MARCHF6: variants seen among roughly 807,000 people sequenced by gnomAD.
MARCHF6 encodes membrane associated ring-CH-type finger 6, also known as E3 ubiquitin-protein ligase MARCHF6.
MARCHF6 carries 31 observed loss-of-function variants against 133.7 expected under a neutral mutation model. The ratio of observed to expected loss-of-function variants is 0.23; its 90% CI spans 0.17 to 0.31. The LOEUF is 0.31. MARCHF6 is among the 10% of genes least tolerant of loss of function. MARCHF6 has a pLI of 1.00. For missense variants in MARCHF6, 723 were observed against 1,121.6 expected, an observed-to-expected ratio of 0.64 and a Z score of 5.08; for synonymous variants, 395 against 402.5, an observed-to-expected ratio of 0.98 and a Z score of 0.22.
intron 1 of MARCHF6, among the ~76,000 whole-genome samples, chr5:10,363,845 G>A (rs1735969013): frequency 6.6e-6 from 1 of 152,166 alleles, no homozygotes; most frequent in Non-Finnish European, 1.5e-5. Flanking sequence ...AGTGAAATAA[G>A]CCAGTCACAA....
intron 23 of MARCHF6, 92 bp downstream of exon 23, chr5:10,423,916 TG>T: frequency 1.2e-6 from 1 of 862,034 alleles, no homozygotes. Context: ...CTTCCTACCT[TG>T]CTGAGTTTTC....
At chr5:10,424,309 C>G (rs1739971333) in intron 23 of MARCHF6, among the ~76,000 whole-genome samples, 2 of 152,138 alleles carry the variant, frequency 1.3e-5, no homozygotes, top group Admixed American at 1.3e-4. Flanking sequence ...GTTGATTCCT[C>G]TGGTGCCATC....
intron 1 of MARCHF6, among the ~76,000 whole-genome samples, chr5:10,357,966 CTTT>C (rs34017407): frequency 1.2e-4 from 13 of 108,492 alleles, no homozygotes; most frequent in Admixed American, 2.9e-4. Context: ...GCATGGGTTG[CTTT>C]TTTTTTTTTT....
intron 10 of MARCHF6, among the ~76,000 whole-genome samples, chr5:10,399,445 TC>T (rs1192313927): frequency 1.3e-5 from 2 of 152,086 alleles, no homozygotes; most frequent in African/African-American, 4.8e-5. Flanking sequence ...TGATTGAGTT[TC>T]CCACTCCCCT....
intron 19 of MARCHF6, among the ~76,000 whole-genome samples, chr5:10,412,600 G>T (rs1477652436): frequency 1.3e-5 from 2 of 152,082 alleles, no homozygotes; most frequent in Non-Finnish European, 2.9e-5. Context: ...TTGAGACAGG[G>T]TCTTGCTCTG....
At chr5:10,360,431 G>T (rs1049417794) in intron 1 of MARCHF6, among the ~76,000 whole-genome samples, 2 of 152,076 alleles carry the variant, frequency 1.3e-5, no homozygotes, top group Admixed American at 1.3e-4. Context: ...GAGCCACCGC[G>T]CCCGGCTGTA....
intron 19 of MARCHF6, among the ~76,000 whole-genome samples, chr5:10,411,829 A>G (rs891425401): frequency 1.3e-5 from 2 of 152,238 alleles, no homozygotes; most frequent in Non-Finnish European, 2.9e-5. Flanking sequence ...AGGAACTAGA[A>G]TGGGCATTTG....
chr5:10,431,452 C>G (rs1264514441), intron 25 of MARCHF6, among the ~76,000 whole-genome samples: 2 of 152,178 alleles, frequency 1.3e-5, no homozygotes, highest in Admixed American at 6.5e-5. Context: ...TTCTCATGCT[C>G]TATCTTCTTC....
At chr5:10,377,384 A>T (rs942249672) in intron 1 of MARCHF6, among the ~76,000 whole-genome samples, 5 of 150,086 alleles carry the variant, frequency 3.3e-5, no homozygotes, top group Non-Finnish European at 7.5e-5. Context: ...GAGTCCTCAC[A>T]TGTGTTTTGT....
rs533967441 is a variant in MARCHF6, at chr5:10,430,099, A to G, written c.2642+71A>G. 3.5e-5 allele frequency: 53 copies of G among 1,508,968 alleles called. No homozygotes were observed. The South Asian group carries it at 5.4e-4, about 15-fold the overall frequency. 93.5% of individuals were successfully genotyped at this position (1,508,968 alleles called of 1,614,324 possible). A position where few individuals can be genotyped will look rare whatever the true frequency, so the allele number is the denominator to read the frequency against. ...CTTAATTTATGTATCTGATGTGACA[A>G]ATCATAGGAGGGAAACATGCTCAGA... On this transcript the variant is annotated intron_variant, in intron 25 of 25. Transcript: ENST00000274140.
chr5:10,397,933 G>T (rs1260589051), intron 10 of MARCHF6, among the ~76,000 whole-genome samples: 1 of 152,200 alleles, frequency 6.6e-6, no homozygotes, highest in Non-Finnish European at 1.5e-5. Context: ...AGAAAGGCAA[G>T]GTTGAGGAGA....
At chr5:10,416,683 TG>T (rs1739532106) in intron 21 of MARCHF6, among the ~76,000 whole-genome samples, 1 of 152,218 alleles carries the variant, frequency 6.6e-6, no homozygotes, top group African/African-American at 2.4e-5. Context: ...ATTTTTTTTT[TG>T]GTCAGAATTT....
intron 1 of MARCHF6, among the ~76,000 whole-genome samples, chr5:10,358,878 A>C (rs1049301195): frequency 6.6e-6 from 1 of 152,196 alleles, no homozygotes; most frequent in Non-Finnish European, 1.5e-5. Context: ...ACACACAAAC[A>C]TGTAATGGAG....
At chr5:10,400,702 G>T in intron 10 of MARCHF6, 82 bp from the exon 11 acceptor site, 1 of 993,354 alleles carries the variant, frequency 1.0e-6, no homozygotes, top group Admixed American at 1.8e-5. Flanking sequence ...AGAAGCCCTA[G>T]TTCCTTTTAG....
chr5:10,403,136 C>T (rs1473928286), intron 14 of MARCHF6, among the ~76,000 whole-genome samples: 2 of 152,064 alleles, frequency 1.3e-5, no homozygotes, highest in East Asian at 1.9e-4. Context: ...GACCTATAAC[C>T]AAGAAAATTT....
At chr5:10,353,993 C>G (rs920989456) in intron 1 of MARCHF6, 76 bp downstream of exon 1, 4 of 1,431,052 alleles carry the variant, frequency 2.8e-6, no homozygotes, top group Non-Finnish European at 3.7e-6. Context: ...CCGCGGCGCT[C>G]GAGGTGGGCT....
Position 10,379,167 on chromosome 5 carries a change from T to C in MARCHF6, c.190+335T>C, listed in dbSNP as rs545817486. Among the ~76,000 whole-genome samples, 22 of 152,262 alleles carry C rather than the reference T, an allele frequency of 1.4e-4. No individual in the cohort carries two copies. In the South Asian group the frequency reaches 4.4e-3, roughly 30 times the overall value. ...CATGAACCCATCACTTAGTGTCAAC[T>C]CATAGCCTGTCTTGTTTTACATACA... On this transcript the variant is annotated intron_variant, in intron 3 of 25. Transcript: ENST00000274140.
At chr5:10,390,875 A>G (rs1264375138) in intron 6 of MARCHF6, among the ~76,000 whole-genome samples, 2 of 152,224 alleles carry the variant, frequency 1.3e-5, no homozygotes, top group African/African-American at 4.8e-5. Context: ...TGCTGTCAAT[A>G]AAGACAAAGG....
intron 6 of MARCHF6, among the ~76,000 whole-genome samples, chr5:10,390,729 G>A (rs1043644352): frequency 2.0e-5 from 3 of 152,160 alleles, no homozygotes; most frequent in Non-Finnish European, 4.4e-5. Context: ...AACAGCGTTG[G>A]GGGGTATACT....
Sources: allele counts gnomAD v4.1 joint callset (sites outside exome capture counted in the v4.1 genomes callset), GRCh38; gene constraint gnomAD v4.1.1; transcripts MANE v1.5; gene names NCBI Gene and HGNC (gene_info 2026-07-23, HGNC 2026-07-21).